BPIFB4: variants seen among roughly 807,000 people sequenced by gnomAD.
The protein encoded by BPIFB4 is BPI fold-containing family B member 4.
In BPIFB4, 62 loss-of-function variants were observed where a neutral mutation model predicts 69.2. The ratio of observed to expected loss-of-function variants is 0.90; its 90% CI spans 0.73 to 1.11. The LOEUF (loss-of-function observed/expected upper bound fraction) is 1.11. Ranked by LOEUF, BPIFB4 falls within the 50% of genes least tolerant of loss-of-function variation. The pLI is 0.00. For missense variants in BPIFB4, 789 were observed against 792.0 expected, an observed-to-expected ratio of 1.00 and a Z score of 0.04; for synonymous variants, 330 against 332.7, an observed-to-expected ratio of 0.99 and a Z score of 0.09.
At chr20:33,085,257 C>G (rs570037523) in intron 6 of BPIFB4, among the ~76,000 whole-genome samples, 10 of 152,214 alleles carry the variant, frequency 6.6e-5, no homozygotes, top group Admixed American at 5.9e-4. Flanking sequence ...GAGTTCGAGA[C>G]CAGCCTGGCC....
intron 9 of BPIFB4, among the ~76,000 whole-genome samples, 175 bp downstream of exon 9, chr20:33,089,733 C>T (rs975410316): frequency 6.6e-6 from 1 of 152,106 alleles, no homozygotes; most frequent in Non-Finnish European, 1.5e-5. Context: ...CCAAACACCC[C>T]CCCCGAGTAC....
chr20:33,098,128 A>AT (rs1568586795), intron 13 of BPIFB4, among the ~76,000 whole-genome samples: 1 of 152,120 alleles, frequency 6.6e-6, no homozygotes, highest in African/African-American at 2.4e-5. Flanking sequence ...ATTAAGACTG[A>AT]TTTTCTCCTC....
At chr20:33,102,871 G>A (rs1036677955) in intron 14 of BPIFB4, 101 bp from the exon 15 acceptor site, 55 of 1,180,914 alleles carry the variant, frequency 4.7e-5, no homozygotes, top group Admixed American at 1.5e-4. Flanking sequence ...GAGAGTGATC[G>A]TGAGGATAGT....
At chr20:33,081,723 G>A (rs1981237640) in intron 3 of BPIFB4, 91 bp downstream of exon 3, 7 of 1,508,396 alleles carry the variant, frequency 4.6e-6, no homozygotes, top group South Asian at 1.3e-5. Context: ...CCTCCTGCTA[G>A]CAGAGTTCAC....
chr20:33,089,994 C>T (rs1020243071), intron 9 of BPIFB4, among the ~76,000 whole-genome samples: 11 of 152,262 alleles, frequency 7.2e-5, no homozygotes, highest in Admixed American at 4.6e-4. Context: ...AGACTGACCA[C>T]GGCCTCAGAA....
rs137996770 is a variant in BPIFB4 at position 33,081,460 on chromosome 20, GC to G, written c.-15-50del. On this transcript the variant is annotated intron_variant, in intron 2 of 17. Coordinates refer to ENST00000375483, the MANE Select transcript of BPIFB4 (RefSeq NM_182519.3). ...TGGGGCTGCCTAGTGCTACCTGCTGGCCAGGGTGGTGGCGCCCAGCCACATC... is the reference window on the plus strand; with the variant it reads ...TGGGGCTGCCTAGTGCTACCTGCTGGCAGGGTGGTGGCGCCCAGCCACATC... 3.0e-3 allele frequency: 4,624 copies of G among 1,540,298 alleles called. 113 individuals are homozygous for G. The African/African-American group carries it at 0.056, about 19-fold the overall frequency.
chr20:33,106,405 C>G (rs922238040), intron 16 of BPIFB4, among the ~76,000 whole-genome samples: 6 of 135,920 alleles, frequency 4.4e-5, no homozygotes, highest in African/African-American at 1.4e-4. Flanking sequence ...TGGAGTCTCA[C>G]TCTGTGGCCC....
At chr20:33,096,073 AG>A (rs1321746408) in intron 12 of BPIFB4, among the ~76,000 whole-genome samples, 2 of 152,122 alleles carry the variant, frequency 1.3e-5, no homozygotes, top group Non-Finnish European at 2.9e-5. Flanking sequence ...CAAAGGCTCT[AG>A]GGGGAGAACA....
Position 33,111,527 on chromosome 20 carries a change from C to A in BPIFB4, c.*90C>A. On this transcript the variant is annotated 3_prime_UTR_variant, in exon 18 of 18. Transcript: ENST00000375483. The stretch of plus-strand genomic sequence containing the variant: ...CTGGAAACAGTCCCCTGCCCAGAGT[C>A]CCCTCAGCCTCCATGACAGGTCCCT... 1 of 1,521,334 alleles carries A rather than the reference C, an allele frequency of 6.6e-7. No individual in the cohort carries two copies. Among genetic ancestry groups the A allele is most frequent in the East Asian group, 2.3e-5 (1 of 43,522 alleles). 94.2% of individuals were successfully genotyped at this position (1,521,334 alleles called of 1,614,324 possible).
Position 33,111,523 on chromosome 20 carries a change from G to C in BPIFB4, c.*86G>C, listed in dbSNP as rs1415602522. 51 of 1,543,062 alleles carry C rather than the reference G, an allele frequency of 3.3e-5. No individual in the cohort carries two copies. Among genetic ancestry groups the C allele is most frequent in the Non-Finnish European group, 4.3e-5 (48 of 1,122,544 alleles). ...CGGCCTGGAAACAGTCCCCTGCCCA[G>C]AGTCCCCTCAGCCTCCATGACAGGT... is the stretch of plus-strand genomic sequence containing the variant. On this transcript the variant is annotated 3_prime_UTR_variant, in exon 18 of 18. Transcript: ENST00000375483.
chr20:33,094,997 G>T, intron 11 of BPIFB4, 103 bp from the exon 12 acceptor site: 1 of 1,171,228 alleles, frequency 8.5e-7, no homozygotes, highest in East Asian at 2.4e-5. Context: ...AAGACGCCCT[G>T]CTGGGTGTTG....
chr20:33,099,671 T>A (rs1981852818), intron 13 of BPIFB4, among the ~76,000 whole-genome samples: 1 of 152,164 alleles, frequency 6.6e-6, no homozygotes, highest in Admixed American at 6.5e-5. Flanking sequence ...CCTCTTTTCA[T>A]CTGGCCAAGT....
At chr20:33,088,364 A>G (rs1336301235) in intron 7 of BPIFB4, among the ~76,000 whole-genome samples, 1 of 151,956 alleles carries the variant, frequency 6.6e-6, no homozygotes, top group African/African-American at 2.4e-5. Context: ...AAAGAAAAGA[A>G]AAAGAAAAAG....
intron 11 of BPIFB4, among the ~76,000 whole-genome samples, chr20:33,093,771 T>G (rs1307812191): frequency 7.2e-6 from 1 of 138,692 alleles, no homozygotes; most frequent in African/African-American, 2.7e-5. Flanking sequence ...ATCTATCCAT[T>G]TATCTATCCA....
At chr20:33,102,630 C>T (rs1981937665) in intron 14 of BPIFB4, among the ~76,000 whole-genome samples, 1 of 152,200 alleles carries the variant, frequency 6.6e-6, no homozygotes, top group Admixed American at 6.5e-5. Flanking sequence ...TCTGGAGCAG[C>T]GCTTTATGGG....
chr20:33,092,122 C>G (rs6088094), intron 10 of BPIFB4, among the ~76,000 whole-genome samples: 8 of 152,202 alleles, frequency 5.3e-5, no homozygotes, highest in African/African-American at 1.9e-4. Context: ...CACCTAGCAC[C>G]TTGTAGACCG....
chr20:33,100,513 T>G lies in BPIFB4; in HGVS notation c.1637+20T>G, dbSNP rs1359497366. ...GGAGAAGTAAGGGGCTATGCTGCCT[T>G]GGGGTCCTGACGGTGCTGGTGCTGC... On this transcript the variant is annotated intron_variant, in intron 14 of 17. Coordinates refer to ENST00000375483, the MANE Select transcript of BPIFB4 (RefSeq NM_182519.3). 1 of 1,600,116 alleles carries G rather than the reference T, an allele frequency of 6.2e-7. No homozygotes were observed. Among genetic ancestry groups the G allele is most frequent in the Non-Finnish European group, 8.6e-7 (1 of 1,167,652 alleles).
At chr20:33,097,215 C>G (rs1981779965) in intron 12 of BPIFB4, among the ~76,000 whole-genome samples, 1 of 152,134 alleles carries the variant, frequency 6.6e-6, no homozygotes, top group Non-Finnish European at 1.5e-5. Flanking sequence ...GCATTCCCCT[C>G]TGAGGCCCTG....
rs372129659 is a variant in BPIFB4 at position 33,107,440 on chromosome 20, AAAAC to A, written c.1745-292_1745-289del. ...AAACCCTGTCTTTACTAAAACAAAC[AAAAC>A]AAACAAACAAAAAACAAAACAAACA... is the stretch of plus-strand genomic sequence containing the variant. On this transcript the variant is annotated intron_variant, in intron 16 of 17. Transcript: ENST00000375483. 4.5e-4 allele frequency among the ~76,000 whole-genome samples: 69 copies of A among 151,890 alleles called. No individual in the cohort carries two copies. In the South Asian group the frequency reaches 4.6e-3, roughly 10 times the overall value.
Sources: gnomAD v4.1 joint callset for allele counts (sites outside exome capture counted in the v4.1 genomes callset) on GRCh38, gnomAD v4.1.1 for gene constraint, MANE v1.5 for transcripts, NCBI Gene and HGNC (gene_info 2026-07-23, HGNC 2026-07-21) for gene names.